The following ZNF541 variants were observed in gnomAD, a reference collection of about 807,000 sequenced individuals.
ZNF541 encodes zinc finger protein 541.
Under a neutral mutation model 123.5 loss-of-function variants are expected in ZNF541, and 23 were observed. That is an observed-to-expected ratio of 0.19 (90% CI 0.13 to 0.26). ZNF541 has a LOEUF of 0.26. Among genes scored for constraint, ZNF541 ranks in the 10% least tolerant of loss-of-function variants. The pLI, the probability that ZNF541 is intolerant of heterozygous loss-of-function variation, is 1.00. For synonymous variants in ZNF541, 751 were observed against 754.5 expected (o/e 1.00, Z 0.08); for missense variants, 1,612 against 1,789.9 (o/e 0.90, Z 1.79).
intron 2 of ZNF541, among the ~76,000 whole-genome samples, chr19:47,560,105 C>T (rs1970999647): frequency 6.6e-6 from 1 of 152,100 alleles, no homozygotes; most frequent in Admixed American, 6.6e-5. Context: ...TTGTACCTAA[C>T]TGGCAGCTCT....
chr19:47,530,383 C>T (rs1174184687), intron 12 of ZNF541, among the ~76,000 whole-genome samples: 6 of 148,798 alleles, frequency 4.0e-5, no homozygotes, highest in Non-Finnish European at 5.9e-5. Flanking sequence ...GGGATTTTAC[C>T]ATGTTAGCCA....
In ZNF541 at chr19:47,526,481, C is replaced by CA. The variant is rs71180847; in HGVS notation, c.3570+2468dup. Reference sequence around the variant, plus strand: ...TGGGCAACAGAGTGAGACTCCATCTCAAAAAAAAAAAAAAAAAAAGAAAAC... The same window carrying CA: ...TGGGCAACAGAGTGAGACTCCATCTCAAAAAAAAAAAAAAAAAAAAGAAAAC... On this transcript the variant is annotated intron_variant, in intron 14 of 16. Coordinates refer to ENST00000391901, the MANE Select transcript of ZNF541 (RefSeq NM_001277075.3). Among the ~76,000 whole-genome samples the CA allele has an allele frequency of 7.9e-3, 272 of 34,440 alleles. 3 individuals carry two copies. The highest frequency in any genetic ancestry group is 0.051 in the South Asian group (60 of 1,176). 22.6% of individuals were successfully genotyped at this position (34,440 alleles called of 152,430 possible).
At position 47,563,890 on chromosome 19, in the gene ZNF541, GC is replaced by G. The variant is rs200122472; in HGVS notation, c.-98-7937del. Reference sequence around the variant, plus strand: ...CAAAGTGCTGGGATTACAGGCATAAGCCCCCGCGCCTGGCCTAAAAATCGTA... The same window carrying G: ...CAAAGTGCTGGGATTACAGGCATAAGCCCCGCGCCTGGCCTAAAAATCGTA... On this transcript the variant is annotated intron_variant, in intron 2 of 16. Transcript: ENST00000391901. 6.9e-3 allele frequency among the ~76,000 whole-genome samples: 1,048 copies of G among 152,240 alleles called. 16 individuals carry two copies. Among genetic ancestry groups the G allele is most frequent in the African/African-American group, 0.024 (1,002 of 41,546 alleles).
At chr19:47,522,042 G>C in intron 14 of ZNF541, 48 bp from the exon 15 acceptor site, 1 of 1,547,544 alleles carries the variant, frequency 6.5e-7, no homozygotes, top group Middle Eastern at 1.7e-4. Context: ...GCGGGCCCTG[G>C]GAGTGTGACC....
rs115600212 is a variant in ZNF541, at chr19:47,554,765, C to T, written c.307+785G>A. ...ATCCCCAGACACCTAAGTTTCTGAA[C>T]ATTATTCCCTAGAATGAGTGTTCTG... is the stretch of plus-strand genomic sequence containing the variant. On this transcript the variant is annotated intron_variant, in intron 3 of 16. Coordinates refer to ENST00000391901, the MANE Select transcript of ZNF541 (RefSeq NM_001277075.3). Among the ~76,000 whole-genome samples, 1,380 of 152,298 alleles carry T rather than the reference C, an allele frequency of 9.1e-3. 34 individuals carry two copies. The highest frequency in any genetic ancestry group is 0.031 in the African/African-American group (1,302 of 41,560).
intron 13 of ZNF541, 111 bp from the exon 14 acceptor site, chr19:47,529,149 A>C: frequency 1.3e-6 from 1 of 788,976 alleles, no homozygotes. Context: ...AGTACCAATT[A>C]TGTGCCAATC....
intron 9 of ZNF541, among the ~76,000 whole-genome samples, chr19:47,534,757 T>C (rs978366195): frequency 6.6e-6 from 1 of 152,038 alleles, no homozygotes; most frequent in Non-Finnish European, 1.5e-5. Context: ...ATCAATAGAA[T>C]TGAACACCCA....
intron 2 of ZNF541, among the ~76,000 whole-genome samples, chr19:47,558,603 T>G (rs1247229400): frequency 1.3e-5 from 2 of 151,698 alleles, no homozygotes; most frequent in African/African-American, 4.8e-5. Context: ...GAATTTCTTT[T>G]TTTTTTTTGA....
In ZNF541 at chr19:47,544,784, G is replaced by A. The variant is rs919311611; in HGVS notation, c.1745C>T (p.Ala582Val). ...CAGGGCGGCTGGTTTGCCCTCGGGC[G>A]CAGGGAGCTGGGAGGAGACTGCTGC... ...QVAAVSSQLP[A>V]PEGKPAALRP... Residue 582 changes from alanine to valine, a missense_variant, in exon 5 of 17, where the codon GCG becomes GTG. Physicochemically the swap from Ala to Val is moderately conservative, Grantham distance 64 (BLOSUM62 0). Around this residue, in one of 5 missense-constraint regions of ZNF541, gnomAD observed 1,080 missense variants for 1,013.8 expected, o/e 1.07. Transcript: ENST00000391901. The A allele has an allele frequency of 2.6e-6, 4 of 1,517,828 alleles. No homozygotes were observed. In the South Asian group the frequency reaches 3.7e-5, roughly 14 times the overall value. The allele number at this position is 1,517,828 out of a possible 1,614,324, so 94.0% of individuals were successfully genotyped here.
chr19:47,564,151 A>G (rs1337755522), intron 2 of ZNF541, among the ~76,000 whole-genome samples: 1 of 152,182 alleles, frequency 6.6e-6, no homozygotes, highest in African/African-American at 2.4e-5. Flanking sequence ...TGTATACTGC[A>G]CTGCTCCAAT....
intron 9 of ZNF541, among the ~76,000 whole-genome samples, chr19:47,535,574 T>C (rs544892929): frequency 2.6e-5 from 4 of 152,324 alleles, no homozygotes; most frequent in Admixed American, 2.0e-4. Context: ...AGTTACCATA[T>C]GACCCAGCAC....
In ZNF541 at chr19:47,538,398, G is replaced by T; in HGVS notation, c.2838C>A (p.Ser946Arg). ...KDGEERDSKE[S>R]SQQRKRKKRP... ...GCTTCTTCCGCTTTCTCTGCTGGCT[G>T]CTCTCCTTGCTGTCTCGCTCCTCCC... The change falls in exon 9 of 17, where the codon AGC becomes AGA. Residue 946 changes from serine to arginine, a missense_variant. Transcript: ENST00000391901. 4 of 1,541,444 alleles carry T rather than the reference G, an allele frequency of 2.6e-6. No individual in the cohort carries two copies. Among genetic ancestry groups the T allele is most frequent in the Non-Finnish European group, 3.5e-6 (4 of 1,141,952 alleles).
In ZNF541 at chr19:47,545,013, C is replaced by T; in HGVS notation, c.1516G>A (p.Val506Ile). 6.6e-7 allele frequency: 1 copy of T among 1,511,366 alleles called. No individual in the cohort carries two copies. Among genetic ancestry groups the T allele is most frequent in the South Asian group, 1.2e-5 (1 of 81,106 alleles). The allele number at this position is 1,511,366 out of a possible 1,614,324, so 93.6% of individuals were successfully genotyped here. Residue 506 changes from valine to isoleucine, a missense_variant, in exon 5 of 17, where the codon GTC (valine) becomes ATC (isoleucine). Val to Ile is a conservative substitution (Grantham distance 29). Around this residue, in one of 5 missense-constraint regions of ZNF541, gnomAD observed 1,080 missense variants for 1,013.8 expected, o/e 1.07. Coordinates refer to ENST00000391901, the MANE Select transcript of ZNF541 (RefSeq NM_001277075.3). This position sits in a 1 kb window ranked among gnomAD's most constrained non-coding sequence, Gnocchi z 7.5. ...TGGCACAGGAAGGAGTCGCAGTCGA[C>T]CTTGACCTTCTTGGGGGCGCAGGGG... Reference protein sequence around the residue: ...DDPCAPKKVKVDCDSFLCQNP... With the variant: ...DDPCAPKKVKIDCDSFLCQNP...
At chr19:47,524,398 T>C (rs1311215924) in intron 14 of ZNF541, among the ~76,000 whole-genome samples, 10 of 152,078 alleles carry the variant, frequency 6.6e-5, no homozygotes, top group Non-Finnish European at 1.5e-4. Context: ...CATAACTGTT[T>C]AATATATGTT....
chr19:47,540,960 G>A lies in ZNF541; in HGVS notation c.2404-9C>T. 1 of 1,550,248 alleles carries A rather than the reference G, an allele frequency of 6.5e-7. No homozygotes were observed. Among genetic ancestry groups the A allele is most frequent in the Non-Finnish European group, 8.7e-7 (1 of 1,146,480 alleles). The stretch of plus-strand genomic sequence containing the variant: ...CTGTAGATGTTTCCACCCTGAAGAT[G>A]AAAATGCATCTGAACCAACACATCC... On this transcript the variant is annotated splice_polypyrimidine_tract_variant and intron_variant, in intron 5 of 16. Transcript: ENST00000391901.
chr19:47,557,267 G>A (rs1013731622), intron 2 of ZNF541, among the ~76,000 whole-genome samples: 4 of 152,002 alleles, frequency 2.6e-5, no homozygotes, highest in Admixed American at 6.6e-5. Flanking sequence ...CCCAGGAAAC[G>A]GAGGCCTGGG....
intron 12 of ZNF541, 75 bp from the exon 13 acceptor site, chr19:47,529,727 GA>G (rs1251335012): frequency 2.2e-6 from 3 of 1,393,702 alleles, no homozygotes; most frequent in Non-Finnish European, 3.0e-6. Context: ...CCATTCATCT[GA>G]AAAACACTTG....
chr19:47,563,891 C>T (rs1268653501), intron 2 of ZNF541, among the ~76,000 whole-genome samples: 1 of 150,094 alleles, frequency 6.7e-6, no homozygotes, highest in African/African-American at 2.5e-5. Context: ...CAGGCATAAG[C>T]CCCCGCGCCT....
intron 3 of ZNF541, among the ~76,000 whole-genome samples, chr19:47,553,728 T>C (rs757028850): frequency 1.3e-4 from 19 of 151,906 alleles, no homozygotes; most frequent in African/African-American, 4.1e-4. Context: ...TTAGTAGAGA[T>C]GGGGTTTCGC....
Sources: gnomAD v4.1 joint callset for allele counts (sites outside exome capture counted in the v4.1 genomes callset) on GRCh38, gnomAD v4.1.1 for gene constraint, gnomAD v4.1.1 regional missense constraint, Gnocchi (gnomAD v3.1) non-coding constraint, MANE v1.5 for transcripts, NCBI Gene and HGNC (gene_info 2026-07-23, HGNC 2026-07-21) for gene names.